The following STRN variants were observed in gnomAD, a reference collection of about 807,000 sequenced individuals.
STRN encodes striatin.
A neutral mutation model predicts 96.3 loss-of-function variants in STRN; 53 were observed. The observed-to-expected ratio is 0.55, with a 90% CI of 0.44 to 0.69. STRN has a LOEUF of 0.69. STRN is among the 30% of genes least tolerant of loss of function. STRN has a pLI of 0.00. For synonymous variants in STRN, 428 were observed against 355.9 expected, an observed-to-expected ratio of 1.20 and a Z score of -2.28; for missense variants, 987 against 963.9, an observed-to-expected ratio of 1.02 and a Z score of -0.32.
chr2:36,948,740 C>G (rs759736664), intron 1 of STRN, among the ~76,000 whole-genome samples: 2 of 152,132 alleles, frequency 1.3e-5, no homozygotes, highest in Admixed American at 1.3e-4. Context: ...AGGTAGCACA[C>G]CCTAATTGCC....
chr2:36,966,147 G>C, intron 1 of STRN, 83 bp downstream of exon 1: 1 of 1,358,616 alleles, frequency 7.4e-7, no homozygotes, highest in Non-Finnish European at 9.5e-7. Context: ...CGAGAAGGCT[G>C]GGGGAGGGGG....
intron 6 of STRN, 21 bp downstream of exon 6, chr2:36,899,502 T>C (rs201866365): frequency 1.3e-6 from 2 of 1,599,032 alleles, no homozygotes; most frequent in South Asian, 1.1e-5. Flanking sequence ...ATATTTATAT[T>C]GTATGAGTTA....
At position 36,848,094 on chromosome 2, in the gene STRN, G is replaced by A. The variant is rs1238270613; in HGVS notation, c.*1362C>T. The A allele has an allele frequency of 6.6e-6, 1 of 152,020 alleles. No homozygotes were observed. The highest frequency in any genetic ancestry group is 2.4e-5 in the African/African-American group (1 of 41,428). 9.4% of individuals were successfully genotyped at this position (152,020 alleles called of 1,614,324 possible). A position where few individuals can be genotyped will look rare whatever the true frequency, so the allele number is the denominator to read the frequency against. The stretch of plus-strand genomic sequence containing the variant: ...AGCAGGGTCTTCAGAATCCCAAAAG[G>A]TGAACACATGTAGGTGGGTCACAGG... On this transcript the variant is annotated 3_prime_UTR_variant, in exon 18 of 18. Transcript: ENST00000263918.
intron 1 of STRN, among the ~76,000 whole-genome samples, chr2:36,954,094 A>C (rs1199874295): frequency 6.6e-6 from 1 of 152,236 alleles, no homozygotes; most frequent in Non-Finnish European, 1.5e-5. Flanking sequence ...CCTAAAAATC[A>C]AATCAAAGTG....
At chr2:36,941,007 G>C (rs1670832284) in intron 1 of STRN, among the ~76,000 whole-genome samples, 1 of 152,040 alleles carries the variant, frequency 6.6e-6, no homozygotes, top group African/African-American at 2.4e-5. Context: ...ACAAAAATTA[G>C]CTGAACATGG....
chr2:36,959,423 T>C (rs1664975885), intron 1 of STRN, among the ~76,000 whole-genome samples: 1 of 152,118 alleles, frequency 6.6e-6, no homozygotes, highest in Non-Finnish European at 1.5e-5. Flanking sequence ...GCCTGGCCCC[T>C]AGACAAAAAA....
chr2:36,901,972 A>G (rs777683055), intron 5 of STRN, among the ~76,000 whole-genome samples: 1 of 152,216 alleles, frequency 6.6e-6, no homozygotes, highest in Non-Finnish European at 1.5e-5. Flanking sequence ...TATTCAATTA[A>G]CAATCACGGA....
chr2:36,893,592 A>G (rs1477465341), intron 7 of STRN, among the ~76,000 whole-genome samples: 2 of 152,210 alleles, frequency 1.3e-5, no homozygotes, highest in Non-Finnish European at 2.9e-5. Flanking sequence ...TCTCATAATC[A>G]ATTTCCACAA....
chr2:36,896,618 C>A (rs1669546072), intron 6 of STRN, among the ~76,000 whole-genome samples: 1 of 152,148 alleles, frequency 6.6e-6, no homozygotes. Flanking sequence ...AATGAATAAA[C>A]TGTCACTTCA....
At position 36,842,990 on chromosome 2, in the gene STRN, C is replaced by G. The variant is rs1667985889; in HGVS notation, c.*6466G>C. ...AAAACATCAGTGATCTTGGGAAACC[C>G]AGAGGAGGTCAGAATACTACCTGGC... On this transcript the variant is annotated 3_prime_UTR_variant, in exon 18 of 18. Transcript: ENST00000263918. Among the ~76,000 whole-genome samples, 1 of 152,070 alleles carries G rather than the reference C, an allele frequency of 6.6e-6. No individual in the cohort carries two copies. The highest frequency in any genetic ancestry group is 1.5e-5 in the Non-Finnish European group (1 of 68,004).
chr2:36,966,112 G>A (rs1053021257), intron 1 of STRN, 118 bp downstream of exon 1: 2 of 1,223,072 alleles, frequency 1.6e-6, no homozygotes, highest in Non-Finnish European at 2.1e-6. Flanking sequence ...GGGTGGGATG[G>A]GCGGCAGCAA....
intron 9 of STRN, among the ~76,000 whole-genome samples, chr2:36,879,918 C>A (rs1211050088): frequency 6.6e-6 from 1 of 151,798 alleles, no homozygotes; most frequent in East Asian, 1.9e-4. Context: ...CCCTTTGGGG[C>A]CAGATGTCTG....
chr2:36,869,946 A>C (rs898368809), intron 10 of STRN, among the ~76,000 whole-genome samples: 2 of 152,200 alleles, frequency 1.3e-5, no homozygotes, highest in Non-Finnish European at 2.9e-5. Context: ...GGTGTATTAC[A>C]AAAACAATTA....
At chr2:36,850,023 T>C (rs369910073) in intron 16 of STRN, among the ~76,000 whole-genome samples, 1 of 152,328 alleles carries the variant, frequency 6.6e-6, no homozygotes, top group East Asian at 1.9e-4. Context: ...ACTTTTGTCT[T>C]TTAAGCCACG....
intron 3 of STRN, among the ~76,000 whole-genome samples, chr2:36,913,196 C>T (rs1219298212): frequency 6.6e-6 from 1 of 152,152 alleles, no homozygotes; most frequent in Admixed American, 6.6e-5. Flanking sequence ...TAAATCTCAT[C>T]ATAAACCCCT....
chr2:36,851,168 GA>G (rs1668211866), intron 15 of STRN, 61 bp from the exon 16 acceptor site: 4 of 1,414,318 alleles, frequency 2.8e-6, no homozygotes, highest in Non-Finnish European at 4.0e-6. Flanking sequence ...ACACAAAGGA[GA>G]ACTGAATTAT....
chr2:36,946,169 T>C (rs1372412821), intron 1 of STRN, among the ~76,000 whole-genome samples: 3 of 149,492 alleles, frequency 2.0e-5, no homozygotes, highest in Admixed American at 2.0e-4. Context: ...TTCCAGTTGA[T>C]TTTTTCCAGT....
chr2:36,890,714 C>T (rs1000386985), intron 7 of STRN, among the ~76,000 whole-genome samples: 16 of 152,130 alleles, frequency 1.1e-4, no homozygotes, highest in Admixed American at 8.5e-4. Flanking sequence ...AAACTCCTGA[C>T]CTCAGGTGAT....
intron 1 of STRN, among the ~76,000 whole-genome samples, chr2:36,958,149 A>C (rs896439700): frequency 5.9e-5 from 9 of 151,608 alleles, no homozygotes; most frequent in Admixed American, 5.9e-4. Flanking sequence ...TGAACTCCGG[A>C]CCTCAGGTGA....
Sources: allele counts gnomAD v4.1 joint callset (sites outside exome capture counted in the v4.1 genomes callset), GRCh38; gene constraint gnomAD v4.1.1; transcripts MANE v1.5; gene names NCBI Gene and HGNC (gene_info 2026-07-23, HGNC 2026-07-21).